The following FZD3 variants were observed in gnomAD, a reference collection of about 807,000 sequenced individuals.
FZD3 encodes frizzled class receptor 3, also known as frizzled-3.
A neutral mutation model predicts 60.7 loss-of-function variants in FZD3; 30 were observed. The observed-to-expected ratio is 0.49, with a 90% confidence interval of 0.37 to 0.67. The LOEUF is 0.67. FZD3 is among the 30% of genes least tolerant of loss of function. FZD3 has a pLI of 0.00. For synonymous variants in FZD3, 246 were observed against 275.2 expected (o/e 0.89, Z 1.05); for missense variants, 605 against 838.7 (o/e 0.72, Z 3.44).
At chr8:28,522,104 C>CTTTT (rs1159167662) in intron 4 of FZD3, among the ~76,000 whole-genome samples, 1 of 140,392 alleles carries the variant, frequency 7.1e-6, no homozygotes, top group Non-Finnish European at 1.5e-5. Flanking sequence ...TTTCTCTTCT[C>CTTTT]TTTTTTTTTT....
chr8:28,538,859 T>A (rs1402793970), intron 5 of FZD3, among the ~76,000 whole-genome samples: 2 of 148,646 alleles, frequency 1.3e-5, no homozygotes, highest in Non-Finnish European at 3.0e-5. Flanking sequence ...TTATATATTT[T>A]ATATATATAT....
intron 3 of FZD3, among the ~76,000 whole-genome samples, chr8:28,508,505 T>C (rs1804201947): frequency 6.9e-6 from 1 of 144,438 alleles, no homozygotes; most frequent in Non-Finnish European, 1.5e-5. Flanking sequence ...TATTGCAGGG[T>C]GTTGTTTGTT....
At chr8:28,559,945 C>G (rs1419390808) in intron 7 of FZD3, among the ~76,000 whole-genome samples, 1 of 152,130 alleles carries the variant, frequency 6.6e-6, no homozygotes, top group African/African-American at 2.4e-5. Flanking sequence ...GGTGAATACA[C>G]CTACACATAT....
intron 5 of FZD3, among the ~76,000 whole-genome samples, chr8:28,532,311 G>T (rs1211444042): frequency 6.6e-6 from 1 of 152,100 alleles, no homozygotes; most frequent in East Asian, 1.9e-4. Context: ...AATTGTTTTT[G>T]ATTTGTAAAT....
intron 3 of FZD3, among the ~76,000 whole-genome samples, chr8:28,510,204 A>C (rs923566523): frequency 6.6e-6 from 1 of 152,122 alleles, no homozygotes. Flanking sequence ...ATTTTACTCC[A>C]TTGTATTGGA....
At chr8:28,557,112 G>A (rs1805522816) in intron 7 of FZD3, among the ~76,000 whole-genome samples, 1 of 151,856 alleles carries the variant, frequency 6.6e-6, no homozygotes, top group Non-Finnish European at 1.5e-5. Context: ...AGGAGGCTGA[G>A]GCAGGAGAAT....
intron 5 of FZD3, among the ~76,000 whole-genome samples, chr8:28,532,065 A>G (rs1329271595): frequency 6.6e-6 from 1 of 152,210 alleles, no homozygotes; most frequent in South Asian, 2.1e-4. Flanking sequence ...TGGATAAGAC[A>G]TGTGCTTTCT....
intron 6 of FZD3, among the ~76,000 whole-genome samples, chr8:28,554,817 T>A (rs890337820): frequency 1.3e-5 from 2 of 152,186 alleles, no homozygotes; most frequent in African/African-American, 4.8e-5. Flanking sequence ...TGAGAATTTA[T>A]AATATATGTA....
Position 28,566,885 on chromosome 8 carries a change from A to G in FZD3, c.*3874A>G, listed in dbSNP as rs1805714653. The G allele has an allele frequency of 6.6e-6, 1 of 152,168 alleles. No homozygotes were observed. The highest frequency in any genetic ancestry group is 1.5e-5 in the Non-Finnish European group (1 of 68,030). The allele number at this position is 152,168 out of a possible 1,614,324, so 9.4% of individuals were successfully genotyped here. A position where few individuals can be genotyped will look rare whatever the true frequency, so the allele number is the denominator to read the frequency against. On this transcript the variant is annotated 3_prime_UTR_variant, in exon 8 of 8. Coordinates refer to ENST00000240093, the MANE Select transcript of FZD3 (RefSeq NM_017412.4). ...TGTTTCTTCAATGTAAAATGTGGATAAGGTAATTTTTGGTTTTAGCCTCCC... is the reference window on the plus strand; with the variant it reads ...TGTTTCTTCAATGTAAAATGTGGATGAGGTAATTTTTGGTTTTAGCCTCCC...
chr8:28,528,078 T>C lies in FZD3; in HGVS notation c.1318T>C (p.Phe440Leu). ...VPLLVVIGCY[F>L]YEQAYRGIWE... ...ACTCTTGGTTGTAATTGGATGCTAC[T>C]TTTATGAGCAAGCTTACCGGGGCAT... is the stretch of plus-strand genomic sequence containing the variant. Residue 440 changes from phenylalanine (F) to leucine (L), a missense_variant, in exon 5 of 8, where the codon TTT (phenylalanine) becomes CTT (leucine). By Grantham distance (22) the Phe-to-Leu change is conservative. Transcript: ENST00000240093. 5.6e-6 allele frequency: 9 copies of C among 1,613,990 alleles called. No homozygotes were observed. Among genetic ancestry groups the C allele is most frequent in the Non-Finnish European group, 7.6e-6 (9 of 1,179,856 alleles).
At chr8:28,504,776 A>G (rs1425532251) in intron 3 of FZD3, among the ~76,000 whole-genome samples, 1 of 152,236 alleles carries the variant, frequency 6.6e-6, no homozygotes, top group African/African-American at 2.4e-5. Flanking sequence ...GGGAAGTACT[A>G]GAAACACCAT....
chr8:28,560,390 T>C (rs947691975), intron 7 of FZD3, among the ~76,000 whole-genome samples: 1 of 152,224 alleles, frequency 6.6e-6, no homozygotes, highest in African/African-American at 2.4e-5. Flanking sequence ...CAGTTGAGAT[T>C]AAACAGTATA....
intron 3 of FZD3, among the ~76,000 whole-genome samples, chr8:28,513,800 G>A (rs1804350881): frequency 6.6e-6 from 1 of 152,132 alleles, no homozygotes; most frequent in African/African-American, 2.4e-5. Flanking sequence ...CAGTTTCTAT[G>A]GTTACCAGAC....
chr8:28,528,567 T>C (rs1804780345), intron 5 of FZD3, among the ~76,000 whole-genome samples: 1 of 152,168 alleles, frequency 6.6e-6, no homozygotes, highest in African/African-American at 2.4e-5. Context: ...GATGCAAGTA[T>C]AAAAACTCAA....
intron 3 of FZD3, among the ~76,000 whole-genome samples, chr8:28,506,181 C>T (rs1291326349): frequency 6.6e-6 from 1 of 152,162 alleles, no homozygotes; most frequent in African/African-American, 2.4e-5. Flanking sequence ...ATTTACGACT[C>T]TAGTGGTAAT....
chr8:28,498,898 T>C (rs546727209), intron 1 of FZD3, among the ~76,000 whole-genome samples: 2 of 152,348 alleles, frequency 1.3e-5, no homozygotes, highest in Non-Finnish European at 2.9e-5. Flanking sequence ...AAATTGTGCA[T>C]ACCATTTGAT....
chr8:28,525,561 A>G (rs2130367820), intron 4 of FZD3, among the ~76,000 whole-genome samples: 1 of 152,334 alleles, frequency 6.6e-6, no homozygotes. Context: ...ACAGGAGACC[A>G]AAGTGGTTGG....
intron 5 of FZD3, among the ~76,000 whole-genome samples, chr8:28,534,072 C>T (rs1228158483): frequency 6.6e-6 from 1 of 152,152 alleles, no homozygotes; most frequent in Non-Finnish European, 1.5e-5. Context: ...TTCATTCCTG[C>T]CATTCAAAAG....
chr8:28,511,135 T>C (rs189477235), intron 3 of FZD3, among the ~76,000 whole-genome samples: 22 of 150,864 alleles, frequency 1.5e-4, no homozygotes, highest in Admixed American at 2.6e-4. Flanking sequence ...GCGGATCACT[T>C]GAGGTCAGGA....
Sources: allele counts gnomAD v4.1 joint callset (sites outside exome capture counted in the v4.1 genomes callset), GRCh38; gene constraint gnomAD v4.1.1; transcripts MANE v1.5; gene names NCBI Gene and HGNC (gene_info 2026-07-23, HGNC 2026-07-21).